Variants in STIP1 observed in about 807,000 individuals in gnomAD.
STIP1 encodes the protein stress induced phosphoprotein 1.
In STIP1, 16 loss-of-function variants were observed where a neutral mutation model predicts 77.4. The observed-to-expected ratio is 0.21, with a 90% CI of 0.14 to 0.31. The LOEUF (loss-of-function observed/expected upper bound fraction) is 0.31, where lower values mean the gene tolerates loss of function less well. Among genes scored for constraint, STIP1 ranks in the 10% least tolerant of loss-of-function variants. STIP1 has a pLI of 1.00. For synonymous variants in STIP1, 258 were observed against 246.6 expected, an observed-to-expected ratio of 1.05 and a Z score of -0.44; for missense variants, 524 against 684.8, an observed-to-expected ratio of 0.77 and a Z score of 2.62.
chr11:64,200,905 T>G (rs1042277368), intron 10 of STIP1, among the ~76,000 whole-genome samples: 2 of 151,710 alleles, frequency 1.3e-5, no homozygotes, highest in African/African-American at 4.9e-5. Flanking sequence ...CCCGGGTATT[T>G]TAGTAGAAAC....
chr11:64,189,593 C>G (rs1372964256), intron 1 of STIP1, among the ~76,000 whole-genome samples: 2 of 151,898 alleles, frequency 1.3e-5, no homozygotes, highest in Non-Finnish European at 2.9e-5. Flanking sequence ...CTTTCAAATC[C>G]CACAATGATA....
chr11:64,203,916 C>G, intron 13 of STIP1, 138 bp from the exon 14 acceptor site: 1 of 1,030,654 alleles, frequency 9.7e-7, no homozygotes, highest in Non-Finnish European at 1.5e-6. Context: ...CAGGCCTCTG[C>G]AGCTCGGCGC....
rs532373669 is a variant in STIP1 at position 64,203,704 on chromosome 11, T to C, written c.1559+82T>C. 3.0e-5 allele frequency: 47 copies of C among 1,549,646 alleles called. No homozygotes were observed. In the African/African-American group the frequency reaches 6.4e-4, roughly 21 times the overall value. On this transcript the variant is annotated intron_variant, in intron 13 of 13. Coordinates refer to ENST00000305218, the MANE Select transcript of STIP1 (RefSeq NM_006819.3). Reference sequence around the variant, plus strand: ...GAGTGCACGCGGCTGGGGGGTGGTATGCTCAGTCTGCGAGGAAGAGGAATT... The same window carrying C: ...GAGTGCACGCGGCTGGGGGGTGGTACGCTCAGTCTGCGAGGAAGAGGAATT...
chr11:64,193,036 A>G, intron 1 of STIP1, 42 bp from the exon 2 acceptor site: 1 of 1,588,888 alleles, frequency 6.3e-7, no homozygotes, highest in Non-Finnish European at 8.6e-7. Flanking sequence ...TTGGGATTAA[A>G]TGGGCACATC....
At position 64,197,327 on chromosome 11, in the gene STIP1, A is replaced by G. The variant is rs773436552; in HGVS notation, c.729A>G (p.Thr243=). 3.1e-6 allele frequency: 5 copies of G among 1,614,106 alleles called. No individual in the cohort carries two copies. Among genetic ancestry groups the G allele is most frequent in the Non-Finnish European group, 4.2e-6 (5 of 1,180,032 alleles). Residue 243 remains threonine (T), a synonymous_variant, in exon 6 of 14, where the codon ACA becomes ACG. Coordinates refer to ENST00000305218, the MANE Select transcript of STIP1 (RefSeq NM_006819.3). The part of the protein sequence containing the change: ...NDAYKKKDFD[T]ALKHYDKAKE... ...CCTACAAGAAGAAAGACTTTGACAC[A>G]GCCTTGAAGCATTACGACAAAGCCA...
upstream of STIP1, chr11:64,185,952 T>G (rs1218450281): frequency 9.8e-6 from 15 of 1,537,486 alleles, no homozygotes; most frequent in South Asian, 1.5e-4. Flanking sequence ...CGCTCCTCCC[T>G]CCATTCGTGG....
intron 1 of STIP1, among the ~76,000 whole-genome samples, chr11:64,192,107 GT>G (rs1465665974): frequency 6.6e-6 from 1 of 152,110 alleles, no homozygotes; most frequent in Non-Finnish European, 1.5e-5. Context: ...GAGGTCAGGA[GT>G]TTTAAGACCA....
At chr11:64,199,629 C>T (rs1946193379) in intron 8 of STIP1, among the ~76,000 whole-genome samples, 1 of 144,856 alleles carries the variant, frequency 6.9e-6, no homozygotes, top group African/African-American at 2.6e-5. Context: ...GTGGCGCGAT[C>T]TCGGCTCACT....
intron 1 of STIP1, 122 bp from the exon 2 acceptor site, chr11:64,192,956 C>T: frequency 1.1e-6 from 1 of 947,840 alleles, no homozygotes; most frequent in South Asian, 1.6e-5. Flanking sequence ...GGTTTTCTCT[C>T]TTCTGATCTG....
At chr11:64,196,174 TC>T (rs561511704) in intron 5 of STIP1, among the ~76,000 whole-genome samples, 152 of 152,072 alleles carry the variant, frequency 1.0e-3, no homozygotes, top group Middle Eastern at 6.8e-3. Flanking sequence ...GGTGGGCAGA[TC>T]ACCTGAGGTC....
rs1314124289 is a variant in STIP1 at position 64,194,297 on chromosome 11, G to A, written c.328G>A (p.Glu110Lys). ...KHEANNPQLK[E>K]GLQNMEARLA... Reference sequence around the variant, plus strand: ...CGAGGCAAATAACCCTCAACTGAAAGAGGGTTTACAGAATATGGAGGCCAG... The same window carrying A: ...CGAGGCAAATAACCCTCAACTGAAAAAGGGTTTACAGAATATGGAGGCCAG... The change falls in exon 3 of 14, where the codon GAG becomes AAG. Residue 110 changes from glutamate to lysine, a missense_variant. By Grantham distance (56) the Glu-to-Lys change is moderately conservative (BLOSUM62 1). Coordinates refer to ENST00000305218, the MANE Select transcript of STIP1 (RefSeq NM_006819.3). The A allele has an allele frequency of 6.2e-7, 1 of 1,614,178 alleles. No homozygotes were observed. Among genetic ancestry groups the A allele is most frequent in the Non-Finnish European group, 8.5e-7 (1 of 1,180,040 alleles).
chr11:64,197,975 G>T lies in STIP1; in HGVS notation c.1023+1G>T. 6.2e-7 allele frequency: 1 copy of T among 1,610,938 alleles called. No individual in the cohort carries two copies. Among genetic ancestry groups the T allele is most frequent in the Non-Finnish European group, 8.5e-7 (1 of 1,178,988 alleles). On this transcript the variant is annotated splice_donor_variant, in intron 8 of 13. Transcript: ENST00000305218. LOFTEE classifies it high-confidence loss of function. ...AGATGTGCTCAAGAAATGCCAGCAG[G>T]TGCGTAGGAAAAGAATAGGGGTATT...
chr11:64,202,118 G>A (rs1340944450), intron 10 of STIP1, among the ~76,000 whole-genome samples: 3 of 152,170 alleles, frequency 2.0e-5, no homozygotes, highest in South Asian at 4.1e-4. Context: ...GTCAGCACAC[G>A]CGACCTCACC....
At chr11:64,200,841 G>A (rs758929428) in intron 10 of STIP1, among the ~76,000 whole-genome samples, 1 of 151,846 alleles carries the variant, frequency 6.6e-6, no homozygotes, top group African/African-American at 2.4e-5. Flanking sequence ...GTCTCACTCA[G>A]CTGCCCACAC....
In STIP1 at chr11:64,198,471, A is replaced by G. The variant is rs150473812; in HGVS notation, c.1023+497A>G. On this transcript the variant is annotated intron_variant, in intron 8 of 13. Transcript: ENST00000305218. ...CATGATCCACCCACCTCAACCTCCC[A>G]AAGTCCTGGGATTACAGGCCACTGC... is the stretch of plus-strand genomic sequence containing the variant. Among the ~76,000 whole-genome samples the G allele has an allele frequency of 9.0e-3, 1,368 of 151,790 alleles. 23 individuals are homozygous for G. The highest frequency in any genetic ancestry group is 0.032 in the African/African-American group (1,307 of 41,396).
chr11:64,197,439 T>C, intron 6 of STIP1, 42 bp downstream of exon 6: 1 of 1,614,108 alleles, frequency 6.2e-7, no homozygotes, highest in Non-Finnish European at 8.5e-7. Context: ...GTTGGGTGTC[T>C]CTGAGGGAGG....
At chr11:64,195,506 G>C (rs951130490) in intron 4 of STIP1, 139 bp from the exon 5 acceptor site, 13 of 784,360 alleles carry the variant, frequency 1.7e-5, no homozygotes, top group African/African-American at 1.6e-4. Context: ...CTCATGAGTG[G>C]TGCAAAATCT....
rs1380585832 is a variant in STIP1, at chr11:64,197,941, C to T, written c.990C>T (p.His330=). ...TCTATAACAAGTCTCTGGCAGAGCA[C>T]CGAACCCCAGATGTGCTCAAGAAAT... is the stretch of plus-strand genomic sequence containing the variant. ...IHFYNKSLAE[H]RTPDVLKKCQ... The change falls in exon 8 of 14, where the codon CAC becomes CAT. Residue 330 remains histidine, a synonymous_variant. Coordinates refer to ENST00000305218, the MANE Select transcript of STIP1 (RefSeq NM_006819.3). The T allele has an allele frequency of 1.2e-6, 2 of 1,613,646 alleles. No individual in the cohort carries two copies. The highest frequency in any genetic ancestry group is 1.1e-5 in the South Asian group (1 of 91,058).
intron 4 of STIP1, among the ~76,000 whole-genome samples, chr11:64,194,930 G>A (rs1030942150): frequency 6.6e-6 from 1 of 152,060 alleles, no homozygotes; most frequent in African/African-American, 2.4e-5. Flanking sequence ...GTATATCAGA[G>A]TGGAAACAGG....
Sources: allele counts gnomAD v4.1 joint callset (sites outside exome capture counted in the v4.1 genomes callset), GRCh38; gene constraint gnomAD v4.1.1; transcripts MANE v1.5; gene names NCBI Gene and HGNC (gene_info 2026-07-23, HGNC 2026-07-21).